The following CACNB4 variants were observed in gnomAD, a reference collection of about 807,000 sequenced individuals.
The protein encoded by CACNB4 is voltage-dependent L-type calcium channel subunit beta-4.
In CACNB4, 32 loss-of-function variants were observed where a neutral mutation model predicts 71.2. The ratio of observed to expected loss-of-function variants is 0.45; its 90% CI spans 0.34 to 0.60. The LOEUF is 0.60. Ranked by LOEUF, CACNB4 falls within the 20% of genes least tolerant of loss-of-function variation. The probability of loss-of-function intolerance (pLI) is 0.01; values close to 1 mark genes in which losing one functional copy is unlikely to be tolerated. For missense variants in CACNB4, 464 were observed against 647.9 expected, an observed-to-expected ratio of 0.72 and a Z score of 3.08; for synonymous variants, 231 against 236.9, an observed-to-expected ratio of 0.97 and a Z score of 0.23.
chr2:152,083,239 C>A (rs1324631423), intron 2 of CACNB4, among the ~76,000 whole-genome samples: 1 of 152,014 alleles, frequency 6.6e-6, no homozygotes, highest in Non-Finnish European at 1.5e-5. Context: ...TGTGTGTACA[C>A]ATGCACACAA....
At chr2:151,913,400 G>A (rs1349940534) in intron 2 of CACNB4, among the ~76,000 whole-genome samples, 1 of 152,108 alleles carries the variant, frequency 6.6e-6, no homozygotes, top group East Asian at 1.9e-4. Flanking sequence ...GTCTGAGAAG[G>A]ATTTTATTTC....
At chr2:152,090,112 G>A (rs1023462239) in intron 2 of CACNB4, among the ~76,000 whole-genome samples, 2 of 152,360 alleles carry the variant, frequency 1.3e-5, no homozygotes, top group South Asian at 2.1e-4. Context: ...TGAGGAAGAT[G>A]AGTATGGACA....
chr2:151,928,285 T>C (rs2099860756), intron 2 of CACNB4, among the ~76,000 whole-genome samples: 1 of 152,244 alleles, frequency 6.6e-6, no homozygotes, highest in Non-Finnish European at 1.5e-5. Flanking sequence ...ACCAGTTTGA[T>C]GCTCCCTTTT....
At chr2:152,033,234 G>A (rs776655011) in intron 2 of CACNB4, among the ~76,000 whole-genome samples, 1 of 152,208 alleles carries the variant, frequency 6.6e-6, no homozygotes, top group Non-Finnish European at 1.5e-5. Context: ...ATGCTTACAC[G>A]TTTTTACAAA....
At chr2:151,910,334 C>T (rs372792887) in intron 2 of CACNB4, among the ~76,000 whole-genome samples, 43 of 152,292 alleles carry the variant, frequency 2.8e-4, no homozygotes, top group East Asian at 1.9e-3. Flanking sequence ...CCTGTTCACT[C>T]TCATGATAGT....
intron 2 of CACNB4, among the ~76,000 whole-genome samples, chr2:151,949,663 G>A (rs1296537925): frequency 6.6e-6 from 1 of 152,168 alleles, no homozygotes; most frequent in Non-Finnish European, 1.5e-5. Flanking sequence ...GATGTGCCAA[G>A]GAAAGGCATC....
chr2:152,074,892 C>A (rs1180321669), intron 2 of CACNB4, among the ~76,000 whole-genome samples: 2 of 152,134 alleles, frequency 1.3e-5, no homozygotes, highest in Non-Finnish European at 2.9e-5. Context: ...CCACTAATAT[C>A]ACCGTGATCA....
chr2:152,078,092 T>A (rs1416371815), intron 2 of CACNB4, among the ~76,000 whole-genome samples: 1 of 152,184 alleles, frequency 6.6e-6, no homozygotes, highest in Non-Finnish European at 1.5e-5. Flanking sequence ...GGGCTTGGGA[T>A]GGCTTTTTGC....
chr2:151,956,945 A>G (rs530838644), intron 2 of CACNB4, among the ~76,000 whole-genome samples: 1 of 152,326 alleles, frequency 6.6e-6, no homozygotes, highest in South Asian at 2.1e-4. Context: ...CAGGAGTTCA[A>G]GACCAGCCTG....
At chr2:151,892,450 G>C (rs1195787621) in intron 2 of CACNB4, among the ~76,000 whole-genome samples, 1 of 152,090 alleles carries the variant, frequency 6.6e-6, no homozygotes, top group Non-Finnish European at 1.5e-5. Flanking sequence ...AGAAAGTAGG[G>C]AAAAGGACTT....
At chr2:151,961,526 A>C (rs941755412) in intron 2 of CACNB4, among the ~76,000 whole-genome samples, 1 of 152,234 alleles carries the variant, frequency 6.6e-6, no homozygotes, top group Non-Finnish European at 1.5e-5. Flanking sequence ...AAGCCAACAC[A>C]CATCTCCAAA....
intron 10 of CACNB4, 156 bp downstream of exon 10, chr2:151,860,555 T>C (rs1398275821): frequency 4.6e-6 from 3 of 654,916 alleles, no homozygotes; most frequent in African/African-American, 3.7e-5. Flanking sequence ...TGCAAGACTC[T>C]GCTGCCTTCT....
At chr2:151,918,804 A>G (rs1476612875) in intron 2 of CACNB4, among the ~76,000 whole-genome samples, 3 of 152,266 alleles carry the variant, frequency 2.0e-5, no homozygotes, top group Non-Finnish European at 4.4e-5. Context: ...GCACATAGGC[A>G]GAACTGACAA....
intron 2 of CACNB4, among the ~76,000 whole-genome samples, chr2:152,015,171 T>C (rs1683273695): frequency 6.6e-6 from 1 of 152,164 alleles, no homozygotes; most frequent in African/African-American, 2.4e-5. Context: ...CTCGCTCTGT[T>C]GCCCAGGCTG....
At chr2:151,975,108 A>G (rs533136217) in intron 2 of CACNB4, among the ~76,000 whole-genome samples, 25 of 152,328 alleles carry the variant, frequency 1.6e-4, no homozygotes, top group African/African-American at 6.0e-4. Context: ...ACTTAGGGAA[A>G]GAACTCTGCA....
intron 2 of CACNB4, among the ~76,000 whole-genome samples, chr2:152,006,918 C>G (rs182056714): frequency 1.3e-5 from 2 of 152,138 alleles, no homozygotes; most frequent in African/African-American, 4.8e-5. Flanking sequence ...TTCAATTACA[C>G]GGCTACCTTA....
At chr2:151,863,744 A>G (rs189854882) in intron 9 of CACNB4, among the ~76,000 whole-genome samples, 1 of 152,228 alleles carries the variant, frequency 6.6e-6, no homozygotes, top group African/African-American at 2.4e-5. Flanking sequence ...TCAGAAAAAA[A>G]CCTTTTCATG....
intron 2 of CACNB4, among the ~76,000 whole-genome samples, chr2:152,056,310 A>C (rs1197560883): frequency 1.3e-5 from 2 of 151,740 alleles, no homozygotes; most frequent in Non-Finnish European, 2.9e-5. Context: ...GCAGTGAGCC[A>C]AGATCACGCC....
chr2:152,057,072 CA>C (rs1300483657), intron 2 of CACNB4, among the ~76,000 whole-genome samples: 1 of 152,104 alleles, frequency 6.6e-6, no homozygotes, highest in African/African-American at 2.4e-5. Context: ...CTAATCAATA[CA>C]AAAGATAGTG....
Sources: allele counts gnomAD v4.1 joint callset (sites outside exome capture counted in the v4.1 genomes callset), GRCh38; gene constraint gnomAD v4.1.1; transcripts MANE v1.5; gene names NCBI Gene and HGNC (gene_info 2026-07-23, HGNC 2026-07-21).